Variants in NIBAN2 observed in about 807,000 individuals in gnomAD.
The protein encoded by NIBAN2 is protein Niban 2.
In NIBAN2, 36 loss-of-function variants were observed where a neutral mutation model predicts 81.8. The ratio of observed to expected loss-of-function variants is 0.44; its 90% CI spans 0.34 to 0.58. The LOEUF (loss-of-function observed/expected upper bound fraction) is 0.58, where lower values mean the gene tolerates loss of function less well. Ranked by LOEUF, NIBAN2 falls within the 20% of genes least tolerant of loss-of-function variation. The pLI, the probability that NIBAN2 is intolerant of heterozygous loss-of-function variation, is 0.02. For missense variants in NIBAN2, 897 were observed against 1,014.1 expected (o/e 0.88, Z 1.57); for synonymous variants, 445 against 441.6 (o/e 1.01, Z -0.10).
rs1192243533 is a variant in NIBAN2 at position 127,517,954 on chromosome 9, CGGAG to C, written c.590-17_590-14del. ...TCCTCAGGGATTCCTGCCCAGGAGA[CGGAG>C]GGAGAGAGGAGGTCAGCAGATGGCC... On this transcript the variant is annotated splice_polypyrimidine_tract_variant and intron_variant, in intron 5 of 13. Coordinates refer to ENST00000373312, the MANE Select transcript of NIBAN2 (RefSeq NM_022833.4). The surrounding 1 kb of genome is among the most constrained non-coding windows in gnomAD (Gnocchi z 4.0). 1.3e-6 allele frequency: 2 copies of C among 1,571,334 alleles called. No individual in the cohort carries two copies. Among genetic ancestry groups the C allele is most frequent in the African/African-American group, 1.4e-5 (1 of 73,914 alleles).
intron 8 of NIBAN2, among the ~76,000 whole-genome samples, chr9:127,510,595 C>G (rs143795023): frequency 0.047 from 7,195 of 152,126 alleles, 560 homozygotes; most frequent in African/African-American, 0.16. Flanking sequence ...TGCCACTGTG[C>G]CCAGCTAATT....
Position 127,516,792 on chromosome 9 carries a change from T to C in NIBAN2, c.973+65A>G, listed in dbSNP as rs1007843590. 4.1e-6 allele frequency: 6 copies of C among 1,479,152 alleles called. No individual in the cohort carries two copies. The African/African-American group carries it at 8.4e-5, about 21-fold the overall frequency. 91.6% of individuals were successfully genotyped at this position (1,479,152 alleles called of 1,614,324 possible). On this transcript the variant is annotated intron_variant, in intron 8 of 13. Coordinates refer to ENST00000373312, the MANE Select transcript of NIBAN2 (RefSeq NM_022833.4). ...ATTGCTGTGAAATTTACATGAATCA[T>C]GAAATAAAAAGAAAGTCCACCTTGG...
At chr9:127,518,520 A>C (rs2132167062) in intron 5 of NIBAN2, among the ~76,000 whole-genome samples, 1 of 152,350 alleles carries the variant, frequency 6.6e-6, no homozygotes, top group South Asian at 2.1e-4. Context: ...CACAGCACAA[A>C]AACAGCCACG....
chr9:127,557,406 C>A (rs1361641410), intron 1 of NIBAN2, among the ~76,000 whole-genome samples: 1 of 150,608 alleles, frequency 6.6e-6, no homozygotes, highest in Non-Finnish European at 1.5e-5. Flanking sequence ...CCACAGAGGT[C>A]TGAAGCAGGA....
Position 127,513,840 on chromosome 9 carries a change from C to T in NIBAN2, c.973+3017G>A, listed in dbSNP as rs920888341. On this transcript the variant is annotated intron_variant, in intron 8 of 13. Transcript: ENST00000373312. ...TGGACTCACCTTGAATTCTTTCTTG[C>T]CCAAGATCCAAGAACCCTCTCTCGG... Among the ~76,000 whole-genome samples, 4 of 152,320 alleles carry T rather than the reference C, an allele frequency of 2.6e-5. No homozygotes were observed. The East Asian group carries it at 7.7e-4, about 29-fold the overall frequency.
chr9:127,550,115 C>A (rs1374778486), intron 1 of NIBAN2, among the ~76,000 whole-genome samples: 1 of 152,188 alleles, frequency 6.6e-6, no homozygotes, highest in Non-Finnish European at 1.5e-5. Context: ...GCTAAGAGCA[C>A]TGGGCCCCAA....
rs1350651053 is a variant in NIBAN2, at chr9:127,508,089, T to C, written c.1542+4A>G. The C allele has an allele frequency of 6.2e-7, 1 of 1,613,220 alleles. No individual in the cohort carries two copies. The highest frequency in any genetic ancestry group is 2.2e-5 in the East Asian group (1 of 44,890). Reference sequence around the variant, plus strand: ...AACGGCTGGAGCAGGTGGGGGCTGCTCACCGACTTGCAGGTAGGGGCCAGC... The same window carrying C: ...AACGGCTGGAGCAGGTGGGGGCTGCCCACCGACTTGCAGGTAGGGGCCAGC... On this transcript the variant is annotated splice_donor_region_variant and intron_variant, in intron 12 of 13. Transcript: ENST00000373312. This position sits in a 1 kb window ranked among gnomAD's most constrained non-coding sequence, Gnocchi z 6.4.
chr9:127,515,336 C>T (rs949460867), intron 8 of NIBAN2, among the ~76,000 whole-genome samples: 6 of 151,890 alleles, frequency 4.0e-5, no homozygotes, highest in Admixed American at 1.3e-4. Flanking sequence ...CTGGCTAACA[C>T]GGTGAAACCT....
intron 8 of NIBAN2, among the ~76,000 whole-genome samples, chr9:127,514,607 T>A (rs897002742): frequency 1.3e-5 from 2 of 152,218 alleles, no homozygotes; most frequent in Non-Finnish European, 2.9e-5. Context: ...CTTAGTAGAT[T>A]CAATGAGCCT....
At chr9:127,565,758 G>A (rs1416214743) in intron 1 of NIBAN2, among the ~76,000 whole-genome samples, 3 of 145,224 alleles carry the variant, frequency 2.1e-5, no homozygotes, top group African/African-American at 7.9e-5. Flanking sequence ...ACTCCAGCCT[G>A]GGACAGAGAG....
In NIBAN2 at chr9:127,568,870, C is replaced by A; in HGVS notation, c.5G>T (p.Gly2Val). The change falls in exon 1 of 14, where the codon GGG (glycine) becomes GTG (valine). Residue 2 changes from glycine to valine, a missense_variant. This residue lies in a region of NIBAN2 where 209 missense variants were observed against 208.4 expected (regional missense o/e 1.00). Coordinates refer to ENST00000373312, the MANE Select transcript of NIBAN2 (RefSeq NM_022833.4). MGDVLSTHLDDA... is the reference protein window; with the variant it reads MVDVLSTHLDDA... ...GTCCAGGTGCGTGGACAGCACGTCC[C>A]CCATGGCCAGGAGGTGTCGCGGCCC... 1 of 1,355,356 alleles carries A rather than the reference C, an allele frequency of 7.4e-7. No individual in the cohort carries two copies. Among genetic ancestry groups the A allele is most frequent in the South Asian group, 1.6e-5 (1 of 61,826 alleles). The allele number at this position is 1,355,356 out of a possible 1,614,324, so 84.0% of individuals were successfully genotyped here. A position where few individuals can be genotyped will look rare whatever the true frequency, so the allele number is the denominator to read the frequency against.
At chr9:127,521,117 T>C (rs1174130199) in intron 5 of NIBAN2, among the ~76,000 whole-genome samples, 1 of 152,016 alleles carries the variant, frequency 6.6e-6, no homozygotes, top group East Asian at 1.9e-4. Context: ...TCTGTGGTAT[T>C]TGTTATGGCA....
chr9:127,508,322 C>A lies in NIBAN2; in HGVS notation c.1434+100G>T. On this transcript the variant is annotated intron_variant, in intron 11 of 13. Coordinates refer to ENST00000373312, the MANE Select transcript of NIBAN2 (RefSeq NM_022833.4). The surrounding 1 kb of genome is among the most constrained non-coding windows in gnomAD (Gnocchi z 6.4). ...CCTCATCCGCACAAGAGGACCATGG[C>A]GCCTCCTTGCAGGGACAGCAATCCT... is the stretch of plus-strand genomic sequence containing the variant. 7.6e-7 allele frequency: 1 copy of A among 1,320,194 alleles called. No homozygotes were observed. Among genetic ancestry groups the A allele is most frequent in the South Asian group, 1.2e-5 (1 of 83,790 alleles). 81.8% of individuals were successfully genotyped at this position (1,320,194 alleles called of 1,614,324 possible). A position where few individuals can be genotyped will look rare whatever the true frequency, so the allele number is the denominator to read the frequency against.
At chr9:127,513,916 T>A (rs1219945738) in intron 8 of NIBAN2, among the ~76,000 whole-genome samples, 2 of 152,192 alleles carry the variant, frequency 1.3e-5, no homozygotes, top group African/African-American at 4.8e-5. Context: ...GCCCTAGTAT[T>A]TGATAGCGCA....
At chr9:127,562,688 G>T (rs1264625579) in intron 1 of NIBAN2, among the ~76,000 whole-genome samples, 1 of 152,196 alleles carries the variant, frequency 6.6e-6, no homozygotes, top group Non-Finnish European at 1.5e-5. Context: ...GAAGAGTTGG[G>T]CTGGGAGATG....
At chr9:127,575,538 T>TC (rs1232422182) in intron 1 of NIBAN2, among the ~76,000 whole-genome samples, 3 of 146,330 alleles carry the variant, frequency 2.1e-5, no homozygotes, top group Non-Finnish European at 4.5e-5. Context: ...TTTTTTTTTT[T>TC]TTTTCTTTTG....
chr9:127,520,304 T>C (rs1002429738), intron 5 of NIBAN2, among the ~76,000 whole-genome samples: 1 of 144,444 alleles, frequency 6.9e-6, no homozygotes, highest in Admixed American at 7.1e-5. Context: ...AGTGGTGCAA[T>C]CTTGGCTCAC....
In NIBAN2 at chr9:127,527,174, C is replaced by T. The variant is rs115457171; in HGVS notation, c.315+20G>A. ...GAGAAAGCGGGGAGGCTCAGTGTGGCGCCCGGGGCCAGGCCTCACCGCTTT... is the reference window on the plus strand; with the variant it reads ...GAGAAAGCGGGGAGGCTCAGTGTGGTGCCCGGGGCCAGGCCTCACCGCTTT... On this transcript the variant is annotated intron_variant, in intron 3 of 13. Coordinates refer to ENST00000373312, the MANE Select transcript of NIBAN2 (RefSeq NM_022833.4). 1.2e-3 allele frequency: 1,889 copies of T among 1,610,398 alleles called. 35 individuals are homozygous for T. The African/African-American group carries it at 0.021, about 18-fold the overall frequency.
rs1411938463 is a variant in NIBAN2, at chr9:127,505,651, C to T, written c.*1194G>A. ...AAGGAGTCCATTTCTGCCCTGCCCC[C>T]CGCAAAGCAGCAGGGGAGGGGGCCT... On this transcript the variant is annotated 3_prime_UTR_variant, in exon 14 of 14. Coordinates refer to ENST00000373312, the MANE Select transcript of NIBAN2 (RefSeq NM_022833.4). The T allele has an allele frequency of 6.6e-6, 1 of 152,352 alleles. No individual in the cohort carries two copies. The highest frequency in any genetic ancestry group is 1.5e-5 in the Non-Finnish European group (1 of 68,158). The allele number at this position is 152,352 out of a possible 1,614,324, so 9.4% of individuals were successfully genotyped here.
Sources: gnomAD v4.1 joint callset for allele counts (sites outside exome capture counted in the v4.1 genomes callset) on GRCh38, gnomAD v4.1.1 for gene constraint, gnomAD v4.1.1 regional missense constraint, Gnocchi (gnomAD v3.1) non-coding constraint, MANE v1.5 for transcripts, NCBI Gene and HGNC (gene_info 2026-07-23, HGNC 2026-07-21) for gene names.